Variants in GPR19 observed in about 807,000 individuals in gnomAD.
GPR19 encodes the protein probable G protein-coupled receptor 19.
A neutral mutation model predicts 28.5 loss-of-function variants in GPR19; 14 were observed. That is an observed-to-expected ratio of 0.49 (90% CI 0.32 to 0.77). The LOEUF is 0.77. Ranked by LOEUF, GPR19 falls within the 30% of genes least tolerant of loss-of-function variation. The pLI, the probability that GPR19 is intolerant of heterozygous loss-of-function variation, is 0.03. For missense variants in GPR19, 409 were observed against 504.1 expected, an observed-to-expected ratio of 0.81 and a Z score of 1.81; for synonymous variants, 173 against 184.1, an observed-to-expected ratio of 0.94 and a Z score of 0.49.
At chr12:12,677,413 GTCTT>G (rs1303634811) in intron 3 of GPR19, among the ~76,000 whole-genome samples, 1 of 151,846 alleles carries the variant, frequency 6.6e-6, no homozygotes, top group Admixed American at 6.6e-5. Context: ...AAAAATGAAA[GTCTT>G]TCCACTTATA....
At chr12:12,714,152 A>C in the GPR19 span, among the ~76,000 whole-genome samples, 4 of 152,248 alleles carry the variant, frequency 2.6e-5, no homozygotes, top group Non-Finnish European at 5.9e-5. Context: ...GGTGCTCCGT[A>C]AATATTTGTG....
chr12:12,675,562 A>G (rs1449516853), intron 3 of GPR19, among the ~76,000 whole-genome samples: 3 of 152,222 alleles, frequency 2.0e-5, no homozygotes, highest in Non-Finnish European at 4.4e-5. Context: ...GGTAGGCCCA[A>G]TCTAAGCACA....
chr12:12,683,197 T>A (rs1946047731), intron 3 of GPR19, among the ~76,000 whole-genome samples: 1 of 152,158 alleles, frequency 6.6e-6, no homozygotes, highest in South Asian at 2.1e-4. Context: ...ACTACAGAGA[T>A]CTATACAGCA....
At chr12:12,681,328 A>C (rs535845074) in intron 3 of GPR19, among the ~76,000 whole-genome samples, 1 of 152,148 alleles carries the variant, frequency 6.6e-6, no homozygotes, top group South Asian at 2.1e-4. Flanking sequence ...CCCAGGTATC[A>C]CTTTCTCATA....
In GPR19 at chr12:12,685,550, G is replaced by A. The variant is rs116052850; in HGVS notation, c.-179-1043C>T. ...GAAGAGGATGATTTCTTTTAAAACC[G>A]GTCGCCATGGGAGCCTGCTGACTAA... On this transcript the variant is annotated intron_variant, in intron 2 of 3. Coordinates refer to ENST00000651487, the MANE Select transcript of GPR19 (RefSeq NM_006143.3). 2.0e-3 allele frequency among the ~76,000 whole-genome samples: 310 copies of A among 152,190 alleles called. 1 individual carries two copies. The highest frequency in any genetic ancestry group is 7.2e-3 in the African/African-American group (298 of 41,514).
chr12:12,662,005 A>C lies in GPR19; in HGVS notation c.444T>G (p.Thr148=). 1 of 1,614,224 alleles carries C rather than the reference A, an allele frequency of 6.2e-7. No homozygotes were observed. The highest frequency in any genetic ancestry group is 1.3e-5 in the African/African-American group (1 of 75,080). ...GGAGAACGTAGATCTGGACACCTGG[A>C]GTGAGATATTGAAAATATCGCACAA... ...CKVVRYFQYL[T]PGVQIYVLLS... The change falls in exon 4 of 4, where the codon ACT becomes ACG. Residue 148 remains threonine (T), a synonymous_variant. Coordinates refer to ENST00000651487, the MANE Select transcript of GPR19 (RefSeq NM_006143.3).
chr12:12,701,340 A>G, the GPR19 span, among the ~76,000 whole-genome samples: 1 of 152,208 alleles, frequency 6.6e-6, no homozygotes, highest in Non-Finnish European at 1.5e-5. Context: ...TGGGAAAAAT[A>G]ATGAATGAAG....
In GPR19 at chr12:12,685,745, A is replaced by G. The variant is rs1237046891; in HGVS notation, c.-179-1238T>C. Reference sequence around the variant, plus strand: ...CCACTGCTTCTTTCCTTAAAAATCTAGTTAGGTGCAACTGAATGAAAATTC... The same window carrying G: ...CCACTGCTTCTTTCCTTAAAAATCTGGTTAGGTGCAACTGAATGAAAATTC... On this transcript the variant is annotated intron_variant, in intron 2 of 3. Transcript: ENST00000651487. 2.0e-5 allele frequency among the ~76,000 whole-genome samples: 3 copies of G among 152,304 alleles called. No homozygotes were observed. The East Asian group carries it at 5.8e-4, about 29-fold the overall frequency.
chr12:12,697,467 A>C (rs1376499820), upstream of GPR19, among the ~76,000 whole-genome samples: 1 of 152,252 alleles, frequency 6.6e-6, no homozygotes, highest in Non-Finnish European at 1.5e-5. Context: ...AAACAACCTT[A>C]AATAACTGGT....
intron 3 of GPR19, among the ~76,000 whole-genome samples, chr12:12,674,612 C>T (rs1173486494): frequency 2.0e-5 from 3 of 152,110 alleles, no homozygotes; most frequent in Non-Finnish European, 4.4e-5. Context: ...TACTACTATA[C>T]ACAAGTTAAA....
rs568617237 is a variant in GPR19 at position 12,681,029 on chromosome 12, C to G, written c.-23+3322G>C. ...TTTAGGCTGGTCTCAAATTCCTGGG[C>G]TCAAGCAATCCTCCCGCCTTAGCCT... On this transcript the variant is annotated intron_variant, in intron 3 of 3. Coordinates refer to ENST00000651487, the MANE Select transcript of GPR19 (RefSeq NM_006143.3). Among the ~76,000 whole-genome samples, 8 of 152,214 alleles carry G rather than the reference C, an allele frequency of 5.3e-5. No homozygotes were observed. In the South Asian group the frequency reaches 1.0e-3, roughly 20 times the overall value.
intron 3 of GPR19, among the ~76,000 whole-genome samples, chr12:12,681,407 T>C (rs1284616860): frequency 6.6e-6 from 1 of 152,232 alleles, no homozygotes; most frequent in Non-Finnish European, 1.5e-5. Flanking sequence ...GTTGAAATCA[T>C]ACTTGGCAAG....
chr12:12,672,298 A>G (rs775507250), intron 3 of GPR19, among the ~76,000 whole-genome samples: 5 of 152,174 alleles, frequency 3.3e-5, no homozygotes, highest in Non-Finnish European at 4.4e-5. Flanking sequence ...AAAGAATACT[A>G]TCTAATATTT....
upstream of GPR19, among the ~76,000 whole-genome samples, chr12:12,697,158 A>AAAAAAAAG (rs1463765517): frequency 6.8e-6 from 1 of 146,884 alleles, no homozygotes; most frequent in African/African-American, 2.5e-5. Context: ...CGAAGTAAAA[A>AAAAAAAAG]AAAAAAAAAA....
the GPR19 span, among the ~76,000 whole-genome samples, chr12:12,711,290 C>T: frequency 9.1e-6 from 1 of 109,692 alleles, no homozygotes; most frequent in African/African-American, 3.8e-5. Flanking sequence ...GAGACTCCAT[C>T]AAAAAAAAAA....
the GPR19 span, among the ~76,000 whole-genome samples, chr12:12,716,447 A>G: frequency 5.9e-5 from 9 of 152,166 alleles, no homozygotes; most frequent in Admixed American, 5.9e-4. Context: ...GGGAAAGAAC[A>G]GAAAAGTAGA....
At chr12:12,685,174 T>C (rs1398183059) in intron 2 of GPR19, 2 of 152,020 alleles carry the variant, frequency 1.3e-5, no homozygotes, top group Non-Finnish European at 2.9e-5. Context: ...AACACAAACA[T>C]AATTTTCAAA....
intron 3 of GPR19, among the ~76,000 whole-genome samples, chr12:12,672,466 G>A (rs976300260): frequency 6.6e-6 from 1 of 152,264 alleles, no homozygotes; most frequent in Non-Finnish European, 1.5e-5. Flanking sequence ...TTTCACCCTG[G>A]CTGGGTGTGG....
the GPR19 span, among the ~76,000 whole-genome samples, chr12:12,708,520 G>C: frequency 6.6e-6 from 1 of 152,150 alleles, no homozygotes; most frequent in Non-Finnish European, 1.5e-5. Context: ...TGAAGCCTTA[G>C]TGATATAATT....
Sources: allele counts gnomAD v4.1 joint callset (sites outside exome capture counted in the v4.1 genomes callset), GRCh38; gene constraint gnomAD v4.1.1; transcripts MANE v1.5; gene names NCBI Gene and HGNC (gene_info 2026-07-23, HGNC 2026-07-21).